WASHC4: variants seen among roughly 807,000 people sequenced by gnomAD.
The protein encoded by WASHC4 is WASH complex subunit 4, also known as WASH complex subunit 7.
WASHC4 carries 86 observed loss-of-function variants against 166.6 expected under a neutral mutation model. The ratio of observed to expected loss-of-function variants is 0.52; its 90% CI spans 0.43 to 0.62. The LOEUF is 0.62. Ranked by LOEUF, WASHC4 falls within the 20% of genes least tolerant of loss-of-function variation. The pLI is 0.00. For missense variants in WASHC4, 1,262 were observed against 1,382.4 expected, an observed-to-expected ratio of 0.91 and a Z score of 1.38; for synonymous variants, 446 against 451.6, an observed-to-expected ratio of 0.99 and a Z score of 0.16.
intron 26 of WASHC4, 66 bp from the exon 27 acceptor site, chr12:105,156,660 A>G (rs1201108763): frequency 1.5e-6 from 2 of 1,309,428 alleles, no homozygotes; most frequent in African/African-American, 2.9e-5. Flanking sequence ...ACTGTATGTA[A>G]CTATATTCCT....
chr12:105,158,145 T>TAA (rs1884290400), intron 28 of WASHC4, among the ~76,000 whole-genome samples: 1 of 152,224 alleles, frequency 6.6e-6, no homozygotes, highest in Non-Finnish European at 1.5e-5. Context: ...AAGTCATTTC[T>TAA]TTATGGAAGA....
intron 7 of WASHC4, among the ~76,000 whole-genome samples, chr12:105,118,813 C>G (rs557552487): frequency 7.2e-5 from 11 of 152,196 alleles, no homozygotes; most frequent in African/African-American, 2.6e-4. Flanking sequence ...GTTCTGTGTT[C>G]TCTCTCTTTA....
rs1181170849 is a variant in WASHC4 at position 105,144,771 on chromosome 12, C to G, written c.2233C>G (p.Leu745Val). ...KTFYNLTTVALHDWATYSEMR... is the reference protein window; with the variant it reads ...KTFYNLTTVAVHDWATYSEMR... ...TTTCTACAATCTAACAACTGTAGCC[C>G]TTCATGACTGGGCCACTTATAGTGA... Residue 745 changes from leucine (L) to valine (V), a missense_variant, in exon 22 of 33, where the codon CTT becomes GTT. Physicochemically the swap from Leu to Val is conservative, Grantham distance 32 (BLOSUM62 1). Transcript: ENST00000332180. 1 of 1,612,876 alleles carries G rather than the reference C, an allele frequency of 6.2e-7. No individual in the cohort carries two copies. Among genetic ancestry groups the G allele is most frequent in the East Asian group, 2.2e-5 (1 of 44,814 alleles).
At position 105,167,710 on chromosome 12, in the gene WASHC4, T is replaced by G. The variant is rs1461815666; in HGVS notation, c.*779T>G. On this transcript the variant is annotated 3_prime_UTR_variant, in exon 33 of 33. Transcript: ENST00000332180. ...TGATGTATGATGTCAGAAAAAAAATTGAATGAATTATTTCTACATCCAAAC... is the reference window on the plus strand; with the variant it reads ...TGATGTATGATGTCAGAAAAAAAATGGAATGAATTATTTCTACATCCAAAC... The G allele has an allele frequency of 6.6e-6, 1 of 152,562 alleles. No homozygotes were observed. The highest frequency in any genetic ancestry group is 1.5e-5 in the Non-Finnish European group (1 of 67,978). The allele number at this position is 152,562 out of a possible 1,614,324, so 9.5% of individuals were successfully genotyped here.
At chr12:105,160,804 G>GT (rs1884449234) in intron 29 of WASHC4, among the ~76,000 whole-genome samples, 2 of 152,030 alleles carry the variant, frequency 1.3e-5, no homozygotes, top group African/African-American at 2.4e-5. Context: ...TGTTATTATA[G>GT]TTTTTTCTAA....
At chr12:105,154,539 T>A (rs1393926322) in intron 26 of WASHC4, among the ~76,000 whole-genome samples, 1 of 152,230 alleles carries the variant, frequency 6.6e-6, no homozygotes, top group Non-Finnish European at 1.5e-5. Flanking sequence ...CTCACGTGAA[T>A]CTTACCACAA....
In WASHC4 at chr12:105,157,276, C is replaced by A; in HGVS notation, c.2866C>A (p.Leu956Ile). 6.4e-7 allele frequency: 1 copy of A among 1,567,070 alleles called. No individual in the cohort carries two copies. Among genetic ancestry groups the A allele is most frequent in the Non-Finnish European group, 8.8e-7 (1 of 1,140,576 alleles). The change falls in exon 28 of 33, where the codon CTA becomes ATA. Residue 956 changes from leucine (L) to isoleucine (I), a missense_variant. Transcript: ENST00000332180. ...DLEDIVNFEELVKEEGLAEET... is the reference protein window; with the variant it reads ...DLEDIVNFEEIVKEEGLAEET... The stretch of plus-strand genomic sequence containing the variant: ...TGAAGATATTGTAAATTTTGAAGAA[C>A]TAGTAAAAGAAGAAGGTCTTGCAGA...
chr12:105,134,095 A>G (rs1592876137), intron 14 of WASHC4, among the ~76,000 whole-genome samples, 199 bp downstream of exon 14: 1 of 152,068 alleles, frequency 6.6e-6, no homozygotes, highest in East Asian at 1.9e-4. Context: ...TTACAACTTG[A>G]CTATTTAGCT....
chr12:105,163,748 G>A (rs1474871896), intron 30 of WASHC4, among the ~76,000 whole-genome samples: 1 of 152,062 alleles, frequency 6.6e-6, no homozygotes, highest in East Asian at 1.9e-4. Context: ...GGGCTCAAGA[G>A]GTCCTCTAGC....
At chr12:105,116,559 A>G (rs981172569) in intron 6 of WASHC4, among the ~76,000 whole-genome samples, 1 of 152,106 alleles carries the variant, frequency 6.6e-6, no homozygotes, top group African/African-American at 2.4e-5. Context: ...CAACATGAAG[A>G]TTACAGGTAA....
chr12:105,123,207 G>C (rs1337538343), intron 10 of WASHC4, among the ~76,000 whole-genome samples: 1 of 152,098 alleles, frequency 6.6e-6, no homozygotes, highest in Non-Finnish European at 1.5e-5. Flanking sequence ...CCAGCTACTC[G>C]GGAAGCTGAG....
chr12:105,160,031 A>G lies in WASHC4; in HGVS notation c.2943A>G (p.Thr981=). 6.2e-7 allele frequency: 1 copy of G among 1,614,130 alleles called. No individual in the cohort carries two copies. The highest frequency in any genetic ancestry group is 8.5e-7 in the Non-Finnish European group (1 of 1,179,978). The change falls in exon 29 of 33, where the codon ACA becomes ACG. Residue 981 remains threonine (T), a synonymous_variant. Transcript: ENST00000332180. ...TGGATTCAGTCCTCAGTGATCACAC[A>G]CGAAATTCTGCCGAAGGCACAGAAT... ...RHLDSVLSDH[T]RNSAEGTEYF...
At chr12:105,129,826 A>G (rs542011872) in intron 13 of WASHC4, among the ~76,000 whole-genome samples, 1 of 152,376 alleles carries the variant, frequency 6.6e-6, no homozygotes, top group South Asian at 2.1e-4. Context: ...TAGTAATGAT[A>G]ATAATTGCCA....
intron 23 of WASHC4, among the ~76,000 whole-genome samples, chr12:105,146,736 T>G (rs1426666379): frequency 6.6e-6 from 1 of 152,162 alleles, no homozygotes; most frequent in Non-Finnish European, 1.5e-5. Context: ...ATTTCAGATT[T>G]TTTTTTGGAT....
chr12:105,127,105 C>G, intron 12 of WASHC4, 24 bp from the exon 13 acceptor site: 1 of 1,603,602 alleles, frequency 6.2e-7, no homozygotes, highest in Non-Finnish European at 8.5e-7. Flanking sequence ...AATGAATTTT[C>G]CCCTTTTCCC....
At chr12:105,161,001 G>A (rs1364780008) in intron 29 of WASHC4, among the ~76,000 whole-genome samples, 1 of 152,068 alleles carries the variant, frequency 6.6e-6, no homozygotes, top group Non-Finnish European at 1.5e-5. Flanking sequence ...TTCCATTAGG[G>A]AAAATGGAGT....
chr12:105,126,157 T>C, intron 11 of WASHC4, 30 bp downstream of exon 11: 1 of 1,612,792 alleles, frequency 6.2e-7, no homozygotes, highest in Non-Finnish European at 8.5e-7. Context: ...TTGGTTTTTG[T>C]TTATAAAATT....
Position 105,126,305 on chromosome 12 carries a change from G to A in WASHC4, c.981G>A (p.Gln327=). 3 of 1,606,398 alleles carry A rather than the reference G, an allele frequency of 1.9e-6. No individual in the cohort carries two copies. Among genetic ancestry groups the A allele is most frequent in the Admixed American group, 1.7e-5 (1 of 59,968 alleles). ...GTGGACTCTTTGTATTGCACTTTCA[G>A]ATTTTTCGAACTATTGATAAAAAGT... The part of the protein sequence containing the change: ...GICGLFVLHF[Q]IFRTIDKKFY... The change falls in exon 12 of 33, where the codon CAG becomes CAA. Residue 327 remains glutamine (Q), a synonymous_variant. Coordinates refer to ENST00000332180, the MANE Select transcript of WASHC4 (RefSeq NM_015275.3).
intron 12 of WASHC4, 72 bp downstream of exon 12, chr12:105,126,434 A>T: frequency 8.7e-7 from 1 of 1,154,180 alleles, no homozygotes; most frequent in Admixed American, 2.0e-5. Flanking sequence ...ATATTTTAAA[A>T]TGCATTTTAT....
Sources: allele counts gnomAD v4.1 joint callset (sites outside exome capture counted in the v4.1 genomes callset), GRCh38; gene constraint gnomAD v4.1.1; transcripts MANE v1.5; gene names NCBI Gene and HGNC (gene_info 2026-07-23, HGNC 2026-07-21).